CDKAL1: variants seen among roughly 807,000 people sequenced by gnomAD.
The protein encoded by CDKAL1 is CDKAL1 threonylcarbamoyladenosine tRNA methylthiotransferase.
CDKAL1 carries 32 observed loss-of-function variants against 68.2 expected under a neutral mutation model. That is an observed-to-expected ratio of 0.47 (90% confidence interval 0.35 to 0.63). CDKAL1 has a LOEUF of 0.63. Among genes scored for constraint, CDKAL1 ranks in the 30% least tolerant of loss-of-function variants. The pLI, the probability that CDKAL1 is intolerant of heterozygous loss-of-function variation, is 0.00. For synonymous variants in CDKAL1, 234 were observed against 244.3 expected (o/e 0.96, Z 0.39); for missense variants, 606 against 696.7 (o/e 0.87, Z 1.47).
chr6:20,844,103 G>A (rs138363379), intron 8 of CDKAL1, among the ~76,000 whole-genome samples: 6 of 152,298 alleles, frequency 3.9e-5, no homozygotes, highest in East Asian at 1.9e-4. Flanking sequence ...CACAGAACCA[G>A]CAGGAGGATG....
intron 5 of CDKAL1, among the ~76,000 whole-genome samples, chr6:20,704,940 T>G (rs1771530702): frequency 6.6e-6 from 1 of 152,226 alleles, no homozygotes; most frequent in South Asian, 2.1e-4. Context: ...TCAGAAAGCC[T>G]GACTAAAATG....
intron 12 of CDKAL1, among the ~76,000 whole-genome samples, chr6:21,088,877 G>T (rs1360715183): frequency 6.6e-6 from 1 of 152,200 alleles, no homozygotes; most frequent in Non-Finnish European, 1.5e-5. Flanking sequence ...GGGAGGCAGA[G>T]GTTGCATTGA....
intron 4 of CDKAL1, among the ~76,000 whole-genome samples, chr6:20,621,544 T>C (rs1168084915): frequency 6.6e-6 from 1 of 152,168 alleles, no homozygotes; most frequent in African/African-American, 2.4e-5. Context: ...CTACATAATT[T>C]ATTTGGAATT....
In CDKAL1 at chr6:21,183,575, G is replaced by A. The variant is rs377031368; in HGVS notation, c.1300-14446G>A. On this transcript the variant is annotated intron_variant, in intron 13 of 15. Transcript: ENST00000274695. ...CCCTCATGACTACTTGAATAAAGAC[G>A]TCCAGTAGTAATGTTGAAGTTATGA... Among the ~76,000 whole-genome samples, 30 of 152,248 alleles carry A rather than the reference G, an allele frequency of 2.0e-4. No homozygotes were observed. In the South Asian group the frequency reaches 2.5e-3, roughly 13 times the overall value.
intron 10 of CDKAL1, among the ~76,000 whole-genome samples, chr6:20,996,587 T>G (rs62403361): frequency 1.2e-4 from 19 of 152,316 alleles, no homozygotes; most frequent in Non-Finnish European, 2.2e-4. Context: ...CCATCTTATA[T>G]GGGCGCGGTT....
At chr6:21,183,766 T>C (rs927355637) in intron 13 of CDKAL1, among the ~76,000 whole-genome samples, 1 of 152,108 alleles carries the variant, frequency 6.6e-6, no homozygotes, top group African/African-American at 2.4e-5. Context: ...CTCCTCCATA[T>C]TATTACTTCT....
At chr6:20,628,329 T>C (rs987304346) in intron 4 of CDKAL1, among the ~76,000 whole-genome samples, 2 of 152,168 alleles carry the variant, frequency 1.3e-5, no homozygotes, top group Non-Finnish European at 1.5e-5. Flanking sequence ...ACTTTGTAGA[T>C]ATTAAAAATA....
chr6:21,076,294 A>C (rs1383372994), intron 12 of CDKAL1, among the ~76,000 whole-genome samples: 1 of 152,194 alleles, frequency 6.6e-6, no homozygotes, highest in Non-Finnish European at 1.5e-5. Context: ...CATATATAGA[A>C]GCTTGCTCAA....
chr6:21,058,812 C>T (rs995614099), intron 11 of CDKAL1, among the ~76,000 whole-genome samples: 11 of 152,168 alleles, frequency 7.2e-5, no homozygotes, highest in South Asian at 4.1e-4. Context: ...AGAGTGACAG[C>T]GACCTAATGC....
chr6:20,736,893 G>T (rs1162927665), intron 5 of CDKAL1, among the ~76,000 whole-genome samples: 1 of 152,044 alleles, frequency 6.6e-6, no homozygotes, highest in Non-Finnish European at 1.5e-5. Context: ...AACAGAAGGG[G>T]AATGTCGATG....
chr6:20,938,258 G>A (rs1001518197), intron 9 of CDKAL1, among the ~76,000 whole-genome samples: 3 of 151,734 alleles, frequency 2.0e-5, no homozygotes, highest in South Asian at 2.1e-4. Flanking sequence ...ATTTTTTTTA[G>A]TACTTTCTTA....
At chr6:20,564,456 A>G (rs1368377950) in intron 4 of CDKAL1, among the ~76,000 whole-genome samples, 1 of 152,186 alleles carries the variant, frequency 6.6e-6, no homozygotes, top group Non-Finnish European at 1.5e-5. Context: ...TTTATCTACA[A>G]ATGTTTTAAA....
intron 8 of CDKAL1, among the ~76,000 whole-genome samples, chr6:20,820,302 G>C (rs935074532): frequency 3.9e-5 from 6 of 152,088 alleles, no homozygotes; most frequent in African/African-American, 1.4e-4. Flanking sequence ...AAGTCATTCT[G>C]CTCTAATGAT....
intron 7 of CDKAL1, among the ~76,000 whole-genome samples, chr6:20,771,766 C>T (rs936378559): frequency 1.3e-5 from 2 of 152,000 alleles, no homozygotes; most frequent in Non-Finnish European, 2.9e-5. Context: ...TTATCTGTCC[C>T]CTTCGTGTCT....
intron 10 of CDKAL1, among the ~76,000 whole-genome samples, chr6:20,987,212 C>T (rs1341709233): frequency 6.6e-6 from 1 of 151,516 alleles, no homozygotes; most frequent in Non-Finnish European, 1.5e-5. Context: ...AAACTGTGTC[C>T]ACCATTTTTA....
At chr6:20,725,741 G>GCC (rs1349714218) in intron 5 of CDKAL1, among the ~76,000 whole-genome samples, 2 of 148,376 alleles carry the variant, frequency 1.3e-5, no homozygotes, top group Non-Finnish European at 3.0e-5. Flanking sequence ...CTGAGATCAT[G>GCC]CCATTGTGCT....
At chr6:20,993,350 G>C (rs1766939155) in intron 10 of CDKAL1, 1 of 151,710 alleles carries the variant, frequency 6.6e-6, no homozygotes, top group African/African-American at 2.4e-5. Context: ...ACTTAAATGA[G>C]CTGAAAACAA....
chr6:20,980,173 T>C lies in CDKAL1; in HGVS notation c.910-20054T>C, dbSNP rs552930778. On this transcript the variant is annotated intron_variant, in intron 10 of 15. Coordinates refer to ENST00000274695, the MANE Select transcript of CDKAL1 (RefSeq NM_017774.3). ...AAATAAAATACAAACATTATTCTGA[T>C]TAGAAGCCTCCAAAGATAGATAGAT... Among the ~76,000 whole-genome samples the C allele has an allele frequency of 8.6e-5, 13 of 150,328 alleles. No individual in the cohort carries two copies. The East Asian group carries it at 2.5e-3, about 29-fold the overall frequency.
rs1285755797 is a variant in CDKAL1 at position 21,065,672 on chromosome 6, C to G, written c.1236+444C>G. Among the ~76,000 whole-genome samples the G allele has an allele frequency of 8.8e-5, 7 of 79,306 alleles. No homozygotes were observed. The East Asian group carries it at 1.9e-3, about 21-fold the overall frequency. 52.0% of individuals were successfully genotyped at this position (79,306 alleles called of 152,430 possible). A position where few individuals can be genotyped will look rare whatever the true frequency, so the allele number is the denominator to read the frequency against. On this transcript the variant is annotated intron_variant, in intron 12 of 15. Transcript: ENST00000274695. ...ATTGGATAGATTTGATACTATCTTT[C>G]TACCTTTTTTTTTTTTTCAGTTTTT... is the stretch of plus-strand genomic sequence containing the variant.
Sources: allele counts gnomAD v4.1 joint callset (sites outside exome capture counted in the v4.1 genomes callset), GRCh38; gene constraint gnomAD v4.1.1; transcripts MANE v1.5; gene names NCBI Gene and HGNC (gene_info 2026-07-23, HGNC 2026-07-21).